Variants in GADL1 observed in about 807,000 individuals in gnomAD.
GADL1 encodes GAD like acidic amino acid decarboxylase 1, also known as acidic amino acid decarboxylase GADL1.
GADL1 carries 71 observed loss-of-function variants against 69.5 expected under a neutral mutation model. The ratio of observed to expected loss-of-function variants is 1.02; its 90% CI spans 0.84 to 1.25. The LOEUF is 1.25. Ranked by LOEUF, GADL1 falls within the 50% of genes most tolerant of loss-of-function variation. The pLI, the probability that GADL1 is intolerant of heterozygous loss-of-function variation, is 0.00. For synonymous variants in GADL1, 254 were observed against 214.4 expected (o/e 1.18, Z -1.62); for missense variants, 737 against 631.8 (o/e 1.17, Z -1.79).
At chr3:30,803,723 A>G (rs950517389) in intron 11 of GADL1, among the ~76,000 whole-genome samples, 1 of 152,238 alleles carries the variant, frequency 6.6e-6, no homozygotes, top group Non-Finnish European at 1.5e-5. Flanking sequence ...TACTTTATCA[A>G]AAATAAACTT....
chr3:30,766,275 A>G (rs1220838772), intron 14 of GADL1, among the ~76,000 whole-genome samples: 1 of 152,170 alleles, frequency 6.6e-6, no homozygotes, highest in African/African-American at 2.4e-5. Flanking sequence ...GGAGGTAGGA[A>G]TGCTAAATTC....
At chr3:30,750,291 A>G (rs1425391125) in intron 14 of GADL1, among the ~76,000 whole-genome samples, 1 of 152,166 alleles carries the variant, frequency 6.6e-6, no homozygotes, top group African/African-American at 2.4e-5. Flanking sequence ...GTGATTATTG[A>G]TAGTATCCTT....
chr3:30,736,587 C>T (rs1015352061), intron 14 of GADL1, among the ~76,000 whole-genome samples: 2 of 152,114 alleles, frequency 1.3e-5, no homozygotes, highest in Non-Finnish European at 2.9e-5. Context: ...TTTGCAAGTG[C>T]TATGAAAAAC....
intron 2 of GADL1, among the ~76,000 whole-genome samples, chr3:30,858,733 C>T (rs78753470): frequency 0.01 from 1,576 of 151,962 alleles, 28 homozygotes; most frequent in African/African-American, 0.036. Context: ...GAGGCTCTTG[C>T]AAAAGATTGA....
In GADL1 at chr3:30,757,442, TAA is replaced by T. The variant is rs199710264; in HGVS notation, c.1392+20735_1392+20736del. ...AATTCGCATGGAAAGTGAAAAGAAT[TAA>T]AGACATGAAAGGGAAACCAGTTAGT... On this transcript the variant is annotated intron_variant, in intron 14 of 14. Coordinates refer to ENST00000282538, the MANE Select transcript of GADL1 (RefSeq NM_207359.3). Among the ~76,000 whole-genome samples, 1,363 of 152,062 alleles carry T rather than the reference TAA, an allele frequency of 9.0e-3. 16 individuals are homozygous for T. The highest frequency in any genetic ancestry group is 0.03 in the African/African-American group (1,252 of 41,504).
intron 11 of GADL1, among the ~76,000 whole-genome samples, chr3:30,816,685 A>G (rs2125515567): frequency 6.6e-6 from 1 of 151,614 alleles, no homozygotes; most frequent in African/African-American, 2.4e-5. Context: ...AGCTGGGACT[A>G]CAGGCGCATG....
At chr3:30,889,084 TAAAAAAAAAAAA>T (rs60227313) in intron 1 of GADL1, among the ~76,000 whole-genome samples, 36 of 32,918 alleles carry the variant, frequency 1.1e-3, no homozygotes, top group Middle Eastern at 0.045. Flanking sequence ...CGGTAATCTA[TAAAAAAAAAAAA>T]AAAAAAAAAA....
intron 14 of GADL1, among the ~76,000 whole-genome samples, chr3:30,761,646 A>ATCAG (rs1696136749): frequency 1.3e-5 from 2 of 152,178 alleles, no homozygotes; most frequent in Admixed American, 1.3e-4. Flanking sequence ...ATCAATCCTC[A>ATCAG]TCAGTCTGTA....
chr3:30,801,268 G>C (rs565610687), intron 11 of GADL1, among the ~76,000 whole-genome samples, 180 bp from the exon 12 acceptor site: 1 of 152,138 alleles, frequency 6.6e-6, no homozygotes, highest in African/African-American at 2.4e-5. Flanking sequence ...ATTACCCATG[G>C]TGTTACCAAA....
chr3:30,813,405 A>G (rs180816903), intron 11 of GADL1, among the ~76,000 whole-genome samples: 13 of 152,250 alleles, frequency 8.5e-5, no homozygotes, highest in African/African-American at 3.1e-4. Context: ...TTCTCTTTCA[A>G]ACTGGACAAA....
At chr3:30,844,102 G>GT in intron 8 of GADL1, 108 bp downstream of exon 8, 1 of 784,870 alleles carries the variant, frequency 1.3e-6, no homozygotes, top group South Asian at 1.7e-5. Context: ...CATAGAAATG[G>GT]TTTTGGCTGT....
At chr3:30,829,175 T>C (rs1029486994) in intron 11 of GADL1, among the ~76,000 whole-genome samples, 3 of 152,024 alleles carry the variant, frequency 2.0e-5, no homozygotes, top group Non-Finnish European at 4.4e-5. Context: ...TCAACCTATT[T>C]ATAATCACAG....
rs1271786195 is a variant in GADL1, at chr3:30,871,421, C to T, written c.38-9656G>A. Among the ~76,000 whole-genome samples the T allele has an allele frequency of 1.3e-5, 2 of 151,690 alleles. 1 individual carries two copies. The highest frequency in any genetic ancestry group is 4.9e-5 in the African/African-American group (2 of 41,204). ...AGGTTTACATTTTATTTTATACTCT[C>T]TCCTACAATACCATTACTGAATTTG... On this transcript the variant is annotated intron_variant, in intron 1 of 14. Transcript: ENST00000282538.
At chr3:30,838,009 T>C (rs1697901271) in intron 9 of GADL1, among the ~76,000 whole-genome samples, 1 of 152,166 alleles carries the variant, frequency 6.6e-6, no homozygotes. Flanking sequence ...GACACTCTAC[T>C]AGGTGATATG....
intron 11 of GADL1, among the ~76,000 whole-genome samples, chr3:30,810,876 C>G (rs139296467): frequency 2.0e-4 from 30 of 152,238 alleles, no homozygotes; most frequent in African/African-American, 7.2e-4. Flanking sequence ...AAGTCCCTCC[C>G]CCTCCTGCTA....
chr3:30,794,318 G>A (rs2125503569), intron 12 of GADL1, among the ~76,000 whole-genome samples: 1 of 152,128 alleles, frequency 6.6e-6, no homozygotes, highest in South Asian at 2.1e-4. Context: ...AAAAGACTTA[G>A]ACATGACTCT....
chr3:30,839,514 CAAAA>C (rs764490080), intron 8 of GADL1, among the ~76,000 whole-genome samples: 3 of 105,678 alleles, frequency 2.8e-5, no homozygotes, highest in Admixed American at 1.0e-4. Context: ...GTCATCTTCT[CAAAA>C]AAAAAAAAAG....
chr3:30,802,853 G>A (rs983035671), intron 11 of GADL1, among the ~76,000 whole-genome samples: 4 of 152,106 alleles, frequency 2.6e-5, no homozygotes, highest in Non-Finnish European at 5.9e-5. Flanking sequence ...TAATCCCAAC[G>A]CTTTGGAGGG....
intron 8 of GADL1, among the ~76,000 whole-genome samples, chr3:30,841,477 A>T (rs959624122): frequency 2.0e-5 from 3 of 150,424 alleles, no homozygotes; most frequent in African/African-American, 7.3e-5. Context: ...TAATGACACT[A>T]AAAAAAAATG....
Sources: gnomAD v4.1 joint callset for allele counts (sites outside exome capture counted in the v4.1 genomes callset) on GRCh38, gnomAD v4.1.1 for gene constraint, MANE v1.5 for transcripts, NCBI Gene and HGNC (gene_info 2026-07-23, HGNC 2026-07-21) for gene names.